STOX2: variants seen among roughly 807,000 people sequenced by gnomAD.
STOX2 encodes storkhead box 2.
Under a neutral mutation model 60.9 loss-of-function variants are expected in STOX2, and 28 were observed. The ratio of observed to expected loss-of-function variants is 0.46; its 90% CI spans 0.34 to 0.63. STOX2 has a LOEUF of 0.63. Among genes scored for constraint, STOX2 ranks in the 30% least tolerant of loss-of-function variants. The pLI is 0.01. For missense variants in STOX2, 1,024 were observed against 1,187.7 expected, an observed-to-expected ratio of 0.86 and a Z score of 2.03; for synonymous variants, 472 against 463.9, an observed-to-expected ratio of 1.02 and a Z score of -0.22.
chr4:183,950,713 T>G (rs184003605), intron 1 of STOX2, among the ~76,000 whole-genome samples: 1 of 152,104 alleles, frequency 6.6e-6, no homozygotes, highest in African/African-American at 2.4e-5. Flanking sequence ...TGCTGGGGAC[T>G]CCAGACAAGG....
chr4:183,843,158 A>AAAAAAAAAAAAAAG (rs1553967453), intron 1 of STOX2, among the ~76,000 whole-genome samples: 1 of 150,600 alleles, frequency 6.6e-6, no homozygotes, highest in African/African-American at 2.5e-5. Context: ...AAAAAAAAAA[A>AAAAAAAAAAAAAAG]AAAAAGAAAA....
intron 1 of STOX2, among the ~76,000 whole-genome samples, chr4:183,985,614 A>G (rs1335273446): frequency 6.6e-6 from 1 of 152,206 alleles, no homozygotes; most frequent in East Asian, 1.9e-4. Context: ...ATTAGAAATT[A>G]TGACTACATT....
At chr4:183,963,431 T>G (rs901686466) in intron 1 of STOX2, among the ~76,000 whole-genome samples, 1 of 152,136 alleles carries the variant, frequency 6.6e-6, no homozygotes. Flanking sequence ...TTTTTCTTTT[T>G]TTCTTTTTTT....
At chr4:183,960,716 A>T (rs986541999) in intron 1 of STOX2, among the ~76,000 whole-genome samples, 1 of 152,144 alleles carries the variant, frequency 6.6e-6, no homozygotes, top group African/African-American at 2.4e-5. Context: ...ATAAAGGGGG[A>T]TGTAAAGAGT....
At chr4:183,811,399 A>G (rs1346859374) in intron 1 of STOX2, among the ~76,000 whole-genome samples, 1 of 152,228 alleles carries the variant, frequency 6.6e-6, no homozygotes, top group Non-Finnish European at 1.5e-5. Context: ...AATCCTAGGA[A>G]CAGATTTTCA....
chr4:184,011,480 G>A lies in STOX2; in HGVS notation c.2585+57G>A. The A allele has an allele frequency of 3.2e-6, 5 of 1,586,506 alleles. No homozygotes were observed. The highest frequency in any genetic ancestry group is 4.3e-6 in the Non-Finnish European group (5 of 1,164,332). ...CGCCTAGCGGGGCCTGGGGCTTTATGCACGTAACTTGACAAGTTTCTGATT... is the reference window on the plus strand; with the variant it reads ...CGCCTAGCGGGGCCTGGGGCTTTATACACGTAACTTGACAAGTTTCTGATT... On this transcript the variant is annotated intron_variant, in intron 3 of 3. Transcript: ENST00000308497. The surrounding 1 kb of genome is among the most constrained non-coding windows in gnomAD (Gnocchi z 4.4).
intron 1 of STOX2, among the ~76,000 whole-genome samples, chr4:183,896,021 G>A (rs1369448): frequency 0.97 from 148,018 of 152,196 alleles, 72,101 homozygotes; most frequent in East Asian, 1. Context: ...AGGCCAAGGA[G>A]GTGCTAGCCA....
rs1342803690 is a variant in STOX2 at position 183,906,136 on chromosome 4, A to T, written c.-655A>T. The T allele has an allele frequency of 6.6e-6, 1 of 152,150 alleles. No homozygotes were observed. The highest frequency in any genetic ancestry group is 1.5e-5 in the Non-Finnish European group (1 of 68,080). The allele number at this position is 152,150 out of a possible 1,614,324, so 9.4% of individuals were successfully genotyped here. ...CGCGCCCCCCGCTCGAGCCTCTGTG[A>T]TGAAGACTGTCTCCCGGGGACTGCA... On this transcript the variant is annotated 5_prime_UTR_variant, in exon 1 of 4. The change abolishes an upstream ATG in the 5' untranslated region. Transcript: ENST00000308497.
chr4:183,906,646 T>A lies in STOX2; in HGVS notation c.-145T>A, dbSNP rs937751477. On this transcript the variant is annotated 5_prime_UTR_variant, in exon 1 of 4. Coordinates refer to ENST00000308497, the MANE Select transcript of STOX2 (RefSeq NM_020225.3). ...GCGTGGGGAGGGCCGGACCCGCCGC[T>A]GGCGGTGTAGACGCCGACGAGGAGG... The A allele has an allele frequency of 4.4e-6, 4 of 910,184 alleles. No homozygotes were observed. The highest frequency in any genetic ancestry group is 6.4e-6 in the Non-Finnish European group (4 of 628,648). 56.4% of individuals were successfully genotyped at this position (910,184 alleles called of 1,614,324 possible).
chr4:183,980,705 T>C (rs1425124939), intron 1 of STOX2, among the ~76,000 whole-genome samples: 1 of 152,204 alleles, frequency 6.6e-6, no homozygotes, highest in African/African-American at 2.4e-5. Context: ...CATAGTTTTT[T>C]TTTTTTAGAA....
chr4:183,874,951 AAATATATATATATATATATATATATATAT>A (rs1740788551), intron 1 of STOX2, among the ~76,000 whole-genome samples: 2 of 57,850 alleles, frequency 3.5e-5, no homozygotes, highest in African/African-American at 1.4e-4. Context: ...AAAAAAAAAA[AAATATATATATATATATATATATATATAT>A]ATATATATAT....
chr4:183,799,699 G>A (rs4862254), intron 1 of STOX2, among the ~76,000 whole-genome samples: 145,108 of 152,000 alleles, frequency 0.95, 69,591 homozygotes, highest in East Asian at 1. Context: ...ATATCAACTT[G>A]ATTTCATTTG....
intron 1 of STOX2, among the ~76,000 whole-genome samples, chr4:183,934,905 G>C (rs1006017028): frequency 6.6e-6 from 1 of 152,214 alleles, no homozygotes; most frequent in African/African-American, 2.4e-5. Flanking sequence ...TGGGGGTATC[G>C]CTATGAACGC....
chr4:183,886,051 G>C (rs199757129), intron 1 of STOX2, among the ~76,000 whole-genome samples: 1 of 150,300 alleles, frequency 6.7e-6, no homozygotes, highest in Non-Finnish European at 1.5e-5. Context: ...GGTGTAGGCA[G>C]ATGCAAGATC....
intron 1 of STOX2, among the ~76,000 whole-genome samples, chr4:183,945,222 G>T (rs763121785): frequency 1.3e-5 from 2 of 152,074 alleles, no homozygotes; most frequent in Non-Finnish European, 2.9e-5. Flanking sequence ...GAGCTCTTTG[G>T]TATTTTAAAA....
At chr4:183,805,496 A>G (rs569777461) in intron 1 of STOX2, among the ~76,000 whole-genome samples, 1 of 152,318 alleles carries the variant, frequency 6.6e-6, no homozygotes, top group African/African-American at 2.4e-5. Context: ...GCCTTCTGTC[A>G]AGAGCTTTTA....
chr4:183,964,854 G>C (rs1560908553), intron 1 of STOX2, among the ~76,000 whole-genome samples: 1 of 152,320 alleles, frequency 6.6e-6, no homozygotes, highest in East Asian at 1.9e-4. Flanking sequence ...AAAATGCTGG[G>C]ATTACAGGCA....
intron 1 of STOX2, among the ~76,000 whole-genome samples, chr4:183,939,771 T>G (rs1190869587): frequency 1.3e-5 from 2 of 152,182 alleles, no homozygotes; most frequent in Non-Finnish European, 2.9e-5. Flanking sequence ...GATGTGCTTC[T>G]TAACTTCTCC....
Position 183,906,755 on chromosome 4 carries a change from C to A in STOX2, c.-36C>A, listed in dbSNP as rs1380966691. On this transcript the variant is annotated 5_prime_UTR_variant, in exon 1 of 4. Coordinates refer to ENST00000308497, the MANE Select transcript of STOX2 (RefSeq NM_020225.3). ...AGCGCGCTGCGCCCCGGCGCTGAGG[C>A]CCCGAGGATCGGGGCGGCAGGTCGC... 3 of 1,486,522 alleles carry A rather than the reference C, an allele frequency of 2.0e-6. No homozygotes were observed. Among genetic ancestry groups the A allele is most frequent in the East Asian group, 5.2e-5 (2 of 38,764 alleles). 92.1% of individuals were successfully genotyped at this position (1,486,522 alleles called of 1,614,324 possible).
Sources: gnomAD v4.1 joint callset for allele counts (sites outside exome capture counted in the v4.1 genomes callset) on GRCh38, gnomAD v4.1.1 for gene constraint, Gnocchi (gnomAD v3.1) non-coding constraint, MANE v1.5 for transcripts, NCBI Gene and HGNC (gene_info 2026-07-23, HGNC 2026-07-21) for gene names.